Variants in RAB31 observed in about 807,000 individuals in gnomAD.
RAB31 encodes RAB31, member RAS oncogene family.
Under a neutral mutation model 25.6 loss-of-function variants are expected in RAB31, and 21 were observed. The observed-to-expected ratio is 0.82, with a 90% CI of 0.58 to 1.18. The LOEUF is 1.18. Ranked by LOEUF, RAB31 falls within the 50% of genes most tolerant of loss-of-function variation. RAB31 has a pLI of 0.00. For synonymous variants in RAB31, 87 were observed against 84.0 expected (o/e 1.04, Z -0.20); for missense variants, 196 against 250.1 (o/e 0.78, Z 1.46).
At chr18:9,785,886 C>A (rs1359556612) in intron 2 of RAB31, among the ~76,000 whole-genome samples, 1 of 152,142 alleles carries the variant, frequency 6.6e-6, no homozygotes, top group African/African-American at 2.4e-5. Context: ...CGTGGTGAAA[C>A]CCCTTCTCTA....
chr18:9,825,073 T>C (rs1049893759), intron 5 of RAB31, among the ~76,000 whole-genome samples: 4 of 152,244 alleles, frequency 2.6e-5, no homozygotes, highest in Non-Finnish European at 5.9e-5. Flanking sequence ...CACCATCTGC[T>C]GATGCTGGAG....
intron 3 of RAB31, among the ~76,000 whole-genome samples, chr18:9,811,916 G>A (rs1050259872): frequency 2.0e-5 from 3 of 152,064 alleles, no homozygotes; most frequent in African/African-American, 7.2e-5. Flanking sequence ...ATTAATCTGT[G>A]CACAAAATAA....
At chr18:9,842,062 C>G (rs926000269) in intron 5 of RAB31, among the ~76,000 whole-genome samples, 1 of 151,982 alleles carries the variant, frequency 6.6e-6, no homozygotes, top group Non-Finnish European at 1.5e-5. Flanking sequence ...GGACACAACT[C>G]AGGAGTAGCT....
intron 2 of RAB31, among the ~76,000 whole-genome samples, chr18:9,788,800 T>C (rs1354144556): frequency 6.6e-6 from 1 of 152,158 alleles, no homozygotes; most frequent in Admixed American, 6.5e-5. Context: ...ACCCCATCTC[T>C]ACTAAAGTAA....
At chr18:9,743,202 A>G (rs1213152030) in intron 1 of RAB31, among the ~76,000 whole-genome samples, 1 of 152,140 alleles carries the variant, frequency 6.6e-6, no homozygotes. Context: ...TTATTTCTTC[A>G]GTTCTGTCTG....
chr18:9,779,361 C>G (rs1477883786), intron 2 of RAB31, among the ~76,000 whole-genome samples: 2 of 152,152 alleles, frequency 1.3e-5, no homozygotes, highest in African/African-American at 4.8e-5. Context: ...TATTTAGAGT[C>G]CAAAGTGCAT....
intron 1 of RAB31, among the ~76,000 whole-genome samples, chr18:9,739,202 C>T (rs1356136375): frequency 3.3e-5 from 5 of 152,200 alleles, no homozygotes; most frequent in East Asian, 3.8e-4. Context: ...TGGCCAGGCA[C>T]GGTGGCTTAC....
chr18:9,824,486 T>A lies in RAB31; in HGVS notation c.380+9264T>A, dbSNP rs114380845. Among the ~76,000 whole-genome samples, 924 of 152,102 alleles carry A rather than the reference T, an allele frequency of 6.1e-3. 4 individuals are homozygous for A. Among genetic ancestry groups the A allele is most frequent in the African/African-American group, 0.021 (873 of 41,478 alleles). On this transcript the variant is annotated intron_variant, in intron 5 of 6. Coordinates refer to ENST00000578921, the MANE Select transcript of RAB31 (RefSeq NM_006868.4). ...GGTGTGTGTGTGTTGGTGGAACTGA[T>A]CTCATCCAACACACTTTGGTTGTGT...
At chr18:9,816,863 T>C (rs1373307654) in intron 5 of RAB31, among the ~76,000 whole-genome samples, 1 of 152,238 alleles carries the variant, frequency 6.6e-6, no homozygotes, top group Non-Finnish European at 1.5e-5. Context: ...ATGCTTCTGG[T>C]TTTGCTAATC....
chr18:9,729,298 C>T (rs2068110294), intron 1 of RAB31, among the ~76,000 whole-genome samples: 2 of 152,136 alleles, frequency 1.3e-5, no homozygotes, highest in South Asian at 4.2e-4. Context: ...AAGGCTGAGG[C>T]GGGCGGATCA....
chr18:9,845,506 G>A (rs2068756783), intron 5 of RAB31, 76 bp from the exon 6 acceptor site: 1 of 1,298,954 alleles, frequency 7.7e-7, no homozygotes, highest in Non-Finnish European at 1.0e-6. Context: ...TGCCGCACAA[G>A]CTGTCTGGTC....
At chr18:9,780,357 G>C (rs1367745089) in intron 2 of RAB31, among the ~76,000 whole-genome samples, 1 of 151,122 alleles carries the variant, frequency 6.6e-6, no homozygotes, top group Non-Finnish European at 1.5e-5. Context: ...TATTTTTTCT[G>C]ATTATAAAAG....
At chr18:9,803,236 C>CCTTCTT (rs2068522891) in intron 3 of RAB31, among the ~76,000 whole-genome samples, 2 of 139,618 alleles carry the variant, frequency 1.4e-5, no homozygotes, top group African/African-American at 5.9e-5. Context: ...TCTCTTTTTC[C>CCTTCTT]TTTCTTTTTT....
Position 9,766,281 on chromosome 18 carries a change from G to A in RAB31, c.40-8997G>A, listed in dbSNP as rs775695720. ...CCCTCCTGCTCCAAGATGTGGAGGC[G>A]CCTTCCTGCGTGACCTCATCTCTGC... On this transcript the variant is annotated intron_variant, in intron 1 of 6. Coordinates refer to ENST00000578921, the MANE Select transcript of RAB31 (RefSeq NM_006868.4). The surrounding 1 kb of genome is among the most constrained non-coding windows in gnomAD (Gnocchi z 4.3). Among the ~76,000 whole-genome samples, 7 of 152,298 alleles carry A rather than the reference G, an allele frequency of 4.6e-5. No homozygotes were observed. The highest frequency in any genetic ancestry group is 2.0e-4 in the Admixed American group (3 of 15,308).
chr18:9,800,517 G>A (rs907744212), intron 3 of RAB31, among the ~76,000 whole-genome samples: 1 of 152,144 alleles, frequency 6.6e-6, no homozygotes, highest in Non-Finnish European at 1.5e-5. Context: ...CCAGTGAAGC[G>A]GCAGTGGTGG....
chr18:9,798,948 C>G (rs990948437), intron 3 of RAB31, among the ~76,000 whole-genome samples: 1 of 152,120 alleles, frequency 6.6e-6, no homozygotes, highest in Non-Finnish European at 1.5e-5. Context: ...AGTAGCTGGG[C>G]GTGGTGGCAC....
intron 2 of RAB31, among the ~76,000 whole-genome samples, chr18:9,790,367 A>T (rs1244724170): frequency 6.6e-6 from 1 of 151,706 alleles, no homozygotes; most frequent in Non-Finnish European, 1.5e-5. Context: ...CCAGAACTAC[A>T]GGCTGTGCCA....
chr18:9,758,665 T>A (rs893884817), intron 1 of RAB31, among the ~76,000 whole-genome samples: 3 of 152,116 alleles, frequency 2.0e-5, no homozygotes, highest in Non-Finnish European at 4.4e-5. Context: ...CAGGAGCCTG[T>A]GAGGGTAGAC....
intron 1 of RAB31, among the ~76,000 whole-genome samples, chr18:9,739,034 A>G (rs1281957047): frequency 6.6e-6 from 1 of 152,218 alleles, no homozygotes; most frequent in Admixed American, 6.5e-5. Context: ...ACTAGGAGAA[A>G]AAACATTTTG....
Sources: gnomAD v4.1 joint callset for allele counts (sites outside exome capture counted in the v4.1 genomes callset) on GRCh38, gnomAD v4.1.1 for gene constraint, Gnocchi (gnomAD v3.1) non-coding constraint, MANE v1.5 for transcripts, NCBI Gene and HGNC (gene_info 2026-07-23, HGNC 2026-07-21) for gene names.